The following DST variants were observed in gnomAD, a reference collection of about 807,000 sequenced individuals.
The protein encoded by DST is bullous pemphigoid antigen.
In DST, 253 loss-of-function variants were observed where a neutral mutation model predicts 875.2. That is an observed-to-expected ratio of 0.29 (90% CI 0.26 to 0.32). DST has a LOEUF of 0.32. Among genes scored for constraint, DST ranks in the 10% least tolerant of loss-of-function variants. The probability of loss-of-function intolerance (pLI) is 1.00; values close to 1 mark genes in which losing one functional copy is unlikely to be tolerated. For synonymous variants in DST, 3,124 were observed against 3,197.1 expected (o/e 0.98, Z 0.77); for missense variants, 8,287 against 9,111.6 (o/e 0.91, Z 3.68).
intron 4 of DST, among the ~76,000 whole-genome samples, chr6:56,809,576 A>C (rs2099757348): frequency 6.6e-6 from 1 of 152,226 alleles, no homozygotes. Flanking sequence ...TACCTGAAAG[A>C]AAAAATGTAA....
chr6:56,602,415 G>C (rs1169692854), intron 43 of DST, among the ~76,000 whole-genome samples: 1 of 151,912 alleles, frequency 6.6e-6, no homozygotes, highest in Admixed American at 6.6e-5. Flanking sequence ...ATATCATATA[G>C]CCTAGGTGTG....
intron 4 of DST, chr6:56,843,308 G>A: frequency 2.4e-6 from 3 of 1,230,880 alleles, no homozygotes; most frequent in Non-Finnish European, 3.1e-6. Flanking sequence ...GGGGGCGCAG[G>A]GGGCTGCCGG....
In DST at chr6:56,501,147, A is replaced by T; in HGVS notation, c.19829T>A (p.Leu6610Ter). The T allele has an allele frequency of 6.2e-7, 1 of 1,612,810 alleles. No individual in the cohort carries two copies. ...TCCAACAGGTTTCTGCTCACTTAGC[A>T]AGCCCTCGGTGTGTGTCAGCCATGC... Reference protein sequence around the residue: ...LLAWLTHTEGLLSEQKPVGGD... With the variant: ...LLAWLTHTEG The change falls in exon 80 of 104, where the codon TTG becomes TAG. Residue 6610 changes from leucine to a stop codon, truncating the protein, a stop_gained. Transcript: ENST00000680361. LOFTEE classifies it high-confidence loss of function.
chr6:56,660,285 G>T (rs979305319), intron 10 of DST, among the ~76,000 whole-genome samples: 1 of 152,162 alleles, frequency 6.6e-6, no homozygotes, highest in Non-Finnish European at 1.5e-5. Flanking sequence ...TGGCAAAATA[G>T]TACATACTCA....
intron 4 of DST, among the ~76,000 whole-genome samples, chr6:56,818,245 A>G (rs904475493): frequency 6.6e-6 from 1 of 152,144 alleles, no homozygotes; most frequent in Admixed American, 6.5e-5. Flanking sequence ...ATTTCCTTCT[A>G]GGGAAAAATG....
At chr6:56,885,362 T>A (rs1400225316) in intron 3 of DST, among the ~76,000 whole-genome samples, 2 of 152,240 alleles carry the variant, frequency 1.3e-5, no homozygotes, top group African/African-American at 2.4e-5. Context: ...GCTCATATGA[T>A]AATGCTATTT....
rs1455347813 is a variant in DST, at chr6:56,654,543, T to C, written c.1215-3299A>G. Among the ~76,000 whole-genome samples the C allele has an allele frequency of 1.1e-4, 16 of 149,858 alleles. No homozygotes were observed. In the East Asian group the frequency reaches 3.0e-3, roughly 28 times the overall value. On this transcript the variant is annotated intron_variant, in intron 10 of 103. Coordinates refer to ENST00000680361, the MANE Select transcript of DST (RefSeq NM_001374736.1). ...TAATTTTGGATAAAAGTAATGTTTA[T>C]CTTTCATACAACACCCATCTTAAAA...
intron 2 of DST, among the ~76,000 whole-genome samples, chr6:56,903,042 C>T (rs899424786): frequency 1.3e-5 from 2 of 151,714 alleles, no homozygotes; most frequent in Non-Finnish European, 1.5e-5. Flanking sequence ...CTCTAGGAAC[C>T]AGAGTTTAGT....
At chr6:56,521,153 A>G (rs1048177209) in intron 69 of DST, among the ~76,000 whole-genome samples, 4 of 152,110 alleles carry the variant, frequency 2.6e-5, no homozygotes. Context: ...CCCATGAAAA[A>G]GAAGTGAAAG....
intron 102 of DST, chr6:56,461,256 G>T (rs2094315517): frequency 6.6e-6 from 1 of 152,052 alleles, no homozygotes; most frequent in South Asian, 2.1e-4. Context: ...CTTAAGTGTA[G>T]TATCTATATG....
At chr6:56,506,356 A>C (rs2096312025) in intron 77 of DST, 87 bp downstream of exon 77, 1 of 1,047,144 alleles carries the variant, frequency 9.5e-7, no homozygotes, top group Non-Finnish European at 1.4e-6. Flanking sequence ...GCACTGGCAG[A>C]TCTTGAGGTG....
chr6:56,508,543 G>T lies in DST; in HGVS notation c.19225C>A (p.Gln6409Lys). The T allele has an allele frequency of 6.2e-7, 1 of 1,613,238 alleles. No individual in the cohort carries two copies. The highest frequency in any genetic ancestry group is 8.5e-7 in the Non-Finnish European group (1 of 1,179,306). The change falls in exon 75 of 104, where the codon CAA becomes AAA. Residue 6409 changes from glutamine to lysine, a missense_variant. Transcript: ENST00000680361. ...TTTCTGCTTACCTCTGCTGCTTCTTGCTGTTGTTTTACTACTGAAGGATCA... is the reference window on the plus strand; with the variant it reads ...TTTCTGCTTACCTCTGCTGCTTCTTTCTGTTGTTTTACTACTGAAGGATCA... Reference protein sequence around the residue: ...GIDPSVVKQQQEAAETIREEI... With the variant: ...GIDPSVVKQQKEAAETIREEI...
At position 56,516,145 on chromosome 6, in the gene DST, GAGAA is replaced by G. The variant is rs1426221363; in HGVS notation, c.18358-481_18358-478del. Among the ~76,000 whole-genome samples, 46 of 135,960 alleles carry G rather than the reference GAGAA, an allele frequency of 3.4e-4. 1 individual carries two copies. In the South Asian group the frequency reaches 9.3e-3, roughly 27 times the overall value. 89.2% of individuals were successfully genotyped at this position (135,960 alleles called of 152,430 possible). A position where few individuals can be genotyped will look rare whatever the true frequency, so the allele number is the denominator to read the frequency against. On this transcript the variant is annotated intron_variant, in intron 71 of 103. Coordinates refer to ENST00000680361, the MANE Select transcript of DST (RefSeq NM_001374736.1). ...AAAGAGAGAGAGGGAGAGAGAGAGA[GAGAA>G]AGAGAAAGAGAGAAAGAGAAAGAGA... is the stretch of plus-strand genomic sequence containing the variant.
intron 9 of DST, among the ~76,000 whole-genome samples, chr6:56,686,549 T>C (rs973448669): frequency 6.6e-6 from 1 of 152,202 alleles, no homozygotes; most frequent in Non-Finnish European, 1.5e-5. Flanking sequence ...CTACCTTATC[T>C]AAGAAGGCTA....
At chr6:56,586,478 G>A (rs2098152318) in intron 49 of DST, among the ~76,000 whole-genome samples, 1 of 151,144 alleles carries the variant, frequency 6.6e-6, no homozygotes, top group African/African-American at 2.4e-5. Context: ...TTTATTTTGA[G>A]CCTATGTGTG....
chr6:56,608,951 G>A lies in DST; in HGVS notation c.5677C>T (p.Leu1893=). ...AAGTTCTGTTGGAAAGCCTTCTGTA[G>A]GGTCAACTGTTCTCCTGTGGCTGGA... The part of the protein sequence containing the change: ...VIPATGEQLT[L]QKAFQQNLVS... The change falls in exon 40 of 104, where the codon CTA becomes TTA. Residue 1893 remains leucine (L), a synonymous_variant. Coordinates refer to ENST00000680361, the MANE Select transcript of DST (RefSeq NM_001374736.1). 2 of 1,613,806 alleles carry A rather than the reference G, an allele frequency of 1.2e-6. No individual in the cohort carries two copies. The highest frequency in any genetic ancestry group is 2.2e-5 in the South Asian group (2 of 91,076).
At chr6:56,734,801 T>C (rs1372013173) in intron 5 of DST, among the ~76,000 whole-genome samples, 1 of 152,162 alleles carries the variant, frequency 6.6e-6, no homozygotes, top group Non-Finnish European at 1.5e-5. Flanking sequence ...TCTAGACTTC[T>C]GTCCCTACAA....
At chr6:56,612,649 T>G (rs754997479) in intron 37 of DST, among the ~76,000 whole-genome samples, 1 of 152,144 alleles carries the variant, frequency 6.6e-6, no homozygotes, top group Non-Finnish European at 1.5e-5. Flanking sequence ...TAGAGTCAAT[T>G]TAAAGTTTAT....
At chr6:56,692,728 T>G (rs1353010900) in intron 9 of DST, 11 of 1,289,710 alleles carry the variant, frequency 8.5e-6, no homozygotes, top group Non-Finnish European at 1.1e-5. Flanking sequence ...AATCCTTTCA[T>G]CCAGTTCACT....
Sources: gnomAD v4.1 joint callset for allele counts (sites outside exome capture counted in the v4.1 genomes callset) on GRCh38, gnomAD v4.1.1 for gene constraint, MANE v1.5 for transcripts, NCBI Gene and HGNC (gene_info 2026-07-23, HGNC 2026-07-21) for gene names.